The following GPC5 variants were observed in gnomAD, a reference collection of about 807,000 sequenced individuals.
GPC5 encodes the protein glypican-5.
In GPC5, 47 loss-of-function variants were observed where a neutral mutation model predicts 53.9. That is an observed-to-expected ratio of 0.87 (90% CI 0.69 to 1.11). The LOEUF (loss-of-function observed/expected upper bound fraction) is 1.11. GPC5 is among the 50% of genes most tolerant of loss of function. GPC5 has a pLI of 0.00. For synonymous variants in GPC5, 286 were observed against 263.3 expected, an observed-to-expected ratio of 1.09 and a Z score of -0.84; for missense variants, 748 against 713.1, an observed-to-expected ratio of 1.05 and a Z score of -0.56.
intron 7 of GPC5, among the ~76,000 whole-genome samples, chr13:92,148,422 T>C (rs956859556): frequency 6.6e-6 from 1 of 152,120 alleles, no homozygotes; most frequent in African/African-American, 2.4e-5. Context: ...TCAACTTATT[T>C]AACCATCTTA....
chr13:91,523,716 G>C (rs1420303443), intron 2 of GPC5, among the ~76,000 whole-genome samples: 1 of 152,094 alleles, frequency 6.6e-6, no homozygotes, highest in Non-Finnish European at 1.5e-5. Flanking sequence ...AACCTGAAGT[G>C]TTTTCATTAT....
chr13:92,025,818 T>A (rs1536368), intron 6 of GPC5, among the ~76,000 whole-genome samples: 1 of 152,122 alleles, frequency 6.6e-6, no homozygotes, highest in East Asian at 1.9e-4. Flanking sequence ...CATAGCTAAA[T>A]CATTCTTTTT....
At chr13:91,598,325 T>C (rs2033065469) in intron 2 of GPC5, among the ~76,000 whole-genome samples, 2 of 108,402 alleles carry the variant, frequency 1.8e-5, no homozygotes, top group Non-Finnish European at 4.9e-5. Flanking sequence ...CTAGTAAAAT[T>C]GAAAAAAAAC....
At chr13:91,470,552 A>G (rs1377694232) in intron 2 of GPC5, among the ~76,000 whole-genome samples, 1 of 152,150 alleles carries the variant, frequency 6.6e-6, no homozygotes, top group East Asian at 1.9e-4. Context: ...TTTGTGACCC[A>G]TTGAAGTCAT....
chr13:92,128,362 T>G (rs1315540028), intron 6 of GPC5, among the ~76,000 whole-genome samples: 1 of 152,200 alleles, frequency 6.6e-6, no homozygotes. Flanking sequence ...CTCTAAAGCC[T>G]TTATGATTTA....
At chr13:92,343,266 C>T (rs1010291858) in intron 7 of GPC5, among the ~76,000 whole-genome samples, 2 of 152,152 alleles carry the variant, frequency 1.3e-5, no homozygotes, top group Non-Finnish European at 2.9e-5. Context: ...GTGCCTTCAT[C>T]CCAGGAGGCC....
intron 7 of GPC5, among the ~76,000 whole-genome samples, chr13:92,613,318 A>AT (rs1189348224): frequency 9.8e-6 from 1 of 101,990 alleles, no homozygotes; most frequent in African/African-American, 4.2e-5. Context: ...TGTATATAAT[A>AT]AATATTTATA....
intron 7 of GPC5, among the ~76,000 whole-genome samples, chr13:92,444,898 A>T (rs1324690238): frequency 6.6e-6 from 1 of 152,078 alleles, no homozygotes; most frequent in African/African-American, 2.4e-5. Context: ...AAAAAGACAG[A>T]ATTGTTTGAA....
At chr13:92,079,007 G>A (rs1481884544) in intron 6 of GPC5, among the ~76,000 whole-genome samples, 2 of 151,966 alleles carry the variant, frequency 1.3e-5, no homozygotes, top group Non-Finnish European at 2.9e-5. Context: ...ACTGCTGTGA[G>A]TCATTGACTA....
At chr13:91,953,220 A>G (rs2040043492) in intron 6 of GPC5, among the ~76,000 whole-genome samples, 1 of 152,182 alleles carries the variant, frequency 6.6e-6, no homozygotes, top group South Asian at 2.1e-4. Flanking sequence ...CTAATTTTGC[A>G]GATATGTTGA....
At chr13:92,408,394 T>C (rs1374415267) in intron 7 of GPC5, among the ~76,000 whole-genome samples, 1 of 152,202 alleles carries the variant, frequency 6.6e-6, no homozygotes, top group Non-Finnish European at 1.5e-5. Context: ...TGTAGCTTGT[T>C]ATATTGAGAC....
At chr13:91,862,481 C>T (rs2039040547) in intron 5 of GPC5, among the ~76,000 whole-genome samples, 1 of 152,170 alleles carries the variant, frequency 6.6e-6, no homozygotes. Flanking sequence ...TGTTGCTAAA[C>T]ATCCTGCAAT....
chr13:92,546,809 C>T (rs924847915), intron 7 of GPC5, among the ~76,000 whole-genome samples: 1 of 152,062 alleles, frequency 6.6e-6, no homozygotes, highest in Non-Finnish European at 1.5e-5. Context: ...GGTACTGCTA[C>T]CAAAACAGAG....
chr13:92,047,680 G>A (rs1218368454), intron 6 of GPC5, among the ~76,000 whole-genome samples: 1 of 151,288 alleles, frequency 6.6e-6, no homozygotes, highest in Admixed American at 6.6e-5. Context: ...GTTAATATTT[G>A]TTCAGCAAAC....
chr13:92,843,863 C>G (rs1010299094), intron 7 of GPC5, among the ~76,000 whole-genome samples: 1 of 151,990 alleles, frequency 6.6e-6, no homozygotes, highest in African/African-American at 2.4e-5. Flanking sequence ...TACAGAGTAA[C>G]AGTGCAACTG....
chr13:92,691,555 C>A (rs12429761), intron 7 of GPC5, among the ~76,000 whole-genome samples: 7,805 of 151,936 alleles, frequency 0.051, 547 homozygotes, highest in East Asian at 0.31. Context: ...AGCTGTAGAC[C>A]GGAGCTGTTC....
At chr13:91,840,214 C>A (rs1431222957) in intron 5 of GPC5, among the ~76,000 whole-genome samples, 1 of 151,968 alleles carries the variant, frequency 6.6e-6, no homozygotes, top group Non-Finnish European at 1.5e-5. Flanking sequence ...ACCATACTTA[C>A]ACATTTTTGT....
At chr13:92,083,044 T>C (rs1469092815) in intron 6 of GPC5, among the ~76,000 whole-genome samples, 1 of 152,194 alleles carries the variant, frequency 6.6e-6, no homozygotes, top group African/African-American at 2.4e-5. Context: ...TTCCCTTAGG[T>C]TCACATCACG....
intron 7 of GPC5, among the ~76,000 whole-genome samples, chr13:92,740,659 C>T (rs115462818): frequency 0.012 from 1,804 of 151,974 alleles, 44 homozygotes; most frequent in African/African-American, 0.041. Flanking sequence ...TCATGGATGG[C>T]TTTGAACTAC....
Sources: allele counts gnomAD v4.1 joint callset (sites outside exome capture counted in the v4.1 genomes callset), GRCh38; gene constraint gnomAD v4.1.1; transcripts MANE v1.5; gene names NCBI Gene and HGNC (gene_info 2026-07-23, HGNC 2026-07-21).